SLIT3: variants seen among roughly 807,000 people sequenced by gnomAD.
The protein encoded by SLIT3 is slit guidance ligand 3, also known as slit homolog 3 protein.
A neutral mutation model predicts 184.0 loss-of-function variants in SLIT3; 68 were observed. The ratio of observed to expected loss-of-function variants is 0.37; its 90% confidence interval spans 0.30 to 0.45. The LOEUF is 0.45. Among genes scored for constraint, SLIT3 ranks in the 20% least tolerant of loss-of-function variants. The pLI, the probability that SLIT3 is intolerant of heterozygous loss-of-function variation, is 1.00. For synonymous variants in SLIT3, 831 were observed against 828.6 expected (o/e 1.00, Z -0.05); for missense variants, 1,707 against 2,026.0 (o/e 0.84, Z 3.02).
chr5:168,830,565 G>A (rs746602576), intron 6 of SLIT3, among the ~76,000 whole-genome samples: 1 of 152,196 alleles, frequency 6.6e-6, no homozygotes, highest in Non-Finnish European at 1.5e-5. Flanking sequence ...TATCTATGAT[G>A]TTCATAATAG....
rs185774045 is a variant in SLIT3, at chr5:169,139,593, C to G, written c.413+53886G>C. On this transcript the variant is annotated intron_variant, in intron 4 of 35. Coordinates refer to ENST00000519560, the MANE Select transcript of SLIT3 (RefSeq NM_003062.4). ...TCCTTCCAGCACTAGCCCACCCCCC[C>G]AGGGGCTCCTAGTTGAGCAATCAAA... 1.3e-3 allele frequency among the ~76,000 whole-genome samples: 195 copies of G among 152,336 alleles called. 2 individuals are homozygous for G. Among genetic ancestry groups the G allele is most frequent in the Admixed American group, 3.4e-3 (52 of 15,308 alleles).
chr5:169,150,216 C>G (rs1561698731), intron 4 of SLIT3, among the ~76,000 whole-genome samples: 1 of 152,152 alleles, frequency 6.6e-6, no homozygotes, highest in Non-Finnish European at 1.5e-5. Flanking sequence ...CGCTCCAACC[C>G]CTAATATCCT....
At chr5:169,147,303 C>G (rs1259019765) in intron 4 of SLIT3, among the ~76,000 whole-genome samples, 1 of 152,218 alleles carries the variant, frequency 6.6e-6, no homozygotes, top group African/African-American at 2.4e-5. Context: ...GAGTCTCACT[C>G]TCTTGCCCAG....
chr5:169,134,624 T>A (rs1761432470), intron 4 of SLIT3, among the ~76,000 whole-genome samples: 1 of 152,102 alleles, frequency 6.6e-6, no homozygotes, highest in African/African-American at 2.4e-5. Flanking sequence ...GGGGGAGGGA[T>A]AGCATTAGGA....
At chr5:168,942,607 T>C (rs781535967) in intron 4 of SLIT3, among the ~76,000 whole-genome samples, 1 of 152,246 alleles carries the variant, frequency 6.6e-6, no homozygotes, top group Non-Finnish European at 1.5e-5. Flanking sequence ...GCTTCTGCCC[T>C]AAACTTTACT....
intron 3 of SLIT3, among the ~76,000 whole-genome samples, chr5:169,210,662 C>A (rs1764233230): frequency 6.6e-6 from 1 of 151,878 alleles, no homozygotes; most frequent in South Asian, 2.1e-4. Context: ...ATGACAAAGA[C>A]CGTTGTGTGA....
At chr5:168,686,924 A>C (rs1761760438) in intron 30 of SLIT3, 55 bp downstream of exon 30, 6 of 1,596,112 alleles carry the variant, frequency 3.8e-6, no homozygotes, top group Middle Eastern at 1.9e-4. Flanking sequence ...AGTCAGCCCC[A>C]GCCCCTGCCA....
chr5:168,985,946 A>T (rs1464191439), intron 4 of SLIT3, among the ~76,000 whole-genome samples: 1 of 152,066 alleles, frequency 6.6e-6, no homozygotes, highest in Non-Finnish European at 1.5e-5. Context: ...CAGACCCATA[A>T]GTCAATCATC....
intron 1 of SLIT3, among the ~76,000 whole-genome samples, chr5:169,288,347 C>T (rs1459692812): frequency 1.3e-5 from 1 of 79,686 alleles, no homozygotes; most frequent in Admixed American, 1.7e-4. Flanking sequence ...TTAATATTTC[C>T]CCCTTGAGTT....
At chr5:169,094,852 C>T (rs1759719882) in intron 4 of SLIT3, among the ~76,000 whole-genome samples, 2 of 152,220 alleles carry the variant, frequency 1.3e-5, no homozygotes, top group African/African-American at 4.8e-5. Context: ...GTTGCATTTG[C>T]ATCACAACAG....
intron 4 of SLIT3, among the ~76,000 whole-genome samples, chr5:169,081,596 A>C (rs970728409): frequency 6.6e-5 from 10 of 152,078 alleles, no homozygotes; most frequent in Admixed American, 3.3e-4. Context: ...AGGGGATGCT[A>C]GGCTGCAGGG....
At chr5:169,068,255 A>G (rs1459584910) in intron 4 of SLIT3, among the ~76,000 whole-genome samples, 3 of 152,242 alleles carry the variant, frequency 2.0e-5, no homozygotes, top group African/African-American at 4.8e-5. Context: ...AAATGTTAAT[A>G]TAACATTTCT....
chr5:169,001,979 A>G lies in SLIT3; in HGVS notation c.414-118643T>C, dbSNP rs570361820. Among the ~76,000 whole-genome samples, 139 of 152,064 alleles carry G rather than the reference A, an allele frequency of 9.1e-4. 2 individuals are homozygous for G. The highest frequency in any genetic ancestry group is 8.7e-3 in the South Asian group (42 of 4,810). On this transcript the variant is annotated intron_variant, in intron 4 of 35. Transcript: ENST00000519560. ...TAGAGTAGGGAGAGGAGGGGACTCA[A>G]AAGAGGAATAGGGAGCATGGGGGTA...
At position 168,812,867 on chromosome 5, in the gene SLIT3, A is replaced by G. The variant is rs543990006; in HGVS notation, c.793+4433T>C. 4.6e-5 allele frequency among the ~76,000 whole-genome samples: 7 copies of G among 151,666 alleles called. No individual in the cohort carries two copies. The East Asian group carries it at 1.4e-3, about 29-fold the overall frequency. ...CATGGCTTACCTTAATTATCTTTGT[A>G]CTTAGTAACTAGTCCCAAATTAAAA... On this transcript the variant is annotated intron_variant, in intron 8 of 35. Coordinates refer to ENST00000519560, the MANE Select transcript of SLIT3 (RefSeq NM_003062.4).
rs1285277285 is a variant in SLIT3 at position 169,300,750 on chromosome 5, G to C, written c.-41C>G. On this transcript the variant is annotated 5_prime_UTR_variant, in exon 1 of 36. Transcript: ENST00000519560. The surrounding 1 kb of genome is among the most constrained non-coding windows in gnomAD (Gnocchi z 4.1). ...GCTCCTGGAGGAGGCTGCCTCTGCG[G>C]GGCAAGACGCGTGGAGCCCGAGGAG... The C allele has an allele frequency of 1.6e-6, 2 of 1,279,844 alleles. No individual in the cohort carries two copies. Among genetic ancestry groups the C allele is most frequent in the East Asian group, 6.4e-5 (2 of 31,474 alleles). The allele number at this position is 1,279,844 out of a possible 1,614,324, so 79.3% of individuals were successfully genotyped here.
chr5:168,735,975 A>G (rs1763423526), intron 20 of SLIT3, among the ~76,000 whole-genome samples: 1 of 152,088 alleles, frequency 6.6e-6, no homozygotes, highest in Non-Finnish European at 1.5e-5. Flanking sequence ...TGAATTTAAG[A>G]TCTTTCCACC....
intron 20 of SLIT3, among the ~76,000 whole-genome samples, chr5:168,746,465 TGCG>T (rs1452481574): frequency 0.059 from 2,296 of 38,966 alleles, 14 homozygotes; most frequent in Middle Eastern, 0.071. Flanking sequence ...TGTGGTGGTG[TGCG>T]GTGGTGTGGG....
intron 6 of SLIT3, among the ~76,000 whole-genome samples, chr5:168,824,738 C>T (rs1024698480): frequency 8.5e-5 from 13 of 152,124 alleles, no homozygotes; most frequent in African/African-American, 2.7e-4. Context: ...TTCTATTCTC[C>T]GCTCCTCCCA....
intron 4 of SLIT3, among the ~76,000 whole-genome samples, chr5:169,099,301 A>G (rs1034366021): frequency 2.0e-5 from 3 of 152,164 alleles, no homozygotes; most frequent in African/African-American, 7.2e-5. Flanking sequence ...CAAACCTGGC[A>G]GGATGGTCTC....
Sources: allele counts gnomAD v4.1 joint callset (sites outside exome capture counted in the v4.1 genomes callset), GRCh38; gene constraint gnomAD v4.1.1; non-coding constraint Gnocchi (gnomAD v3.1); transcripts MANE v1.5; gene names NCBI Gene and HGNC (gene_info 2026-07-23, HGNC 2026-07-21).